The following CUX1 variants were observed in gnomAD, a reference collection of about 807,000 sequenced individuals.
CUX1 encodes the protein protein CASP.
Under a neutral mutation model 158.8 loss-of-function variants are expected in CUX1, and 31 were observed. The ratio of observed to expected loss-of-function variants is 0.20; its 90% CI spans 0.15 to 0.26. The LOEUF (loss-of-function observed/expected upper bound fraction) is 0.26, where lower values mean the gene tolerates loss of function less well. CUX1 is among the 10% of genes least tolerant of loss of function. The probability of loss-of-function intolerance (pLI) is 1.00; values close to 1 mark genes in which losing one functional copy is unlikely to be tolerated. For synonymous variants in CUX1, 879 were observed against 862.1 expected (o/e 1.02, Z -0.34); for missense variants, 1,589 against 2,014.6 (o/e 0.79, Z 4.04).
At chr7:101,844,456 T>TAA (rs1170098601) in intron 1 of CUX1, among the ~76,000 whole-genome samples, 85 of 152,328 alleles carry the variant, frequency 5.6e-4, no homozygotes, top group African/African-American at 1.9e-3. Context: ...TTCTTTTTCT[T>TAA]CAACACCCAG....
At chr7:102,180,914 T>G (rs782310933) in intron 11 of CUX1, among the ~76,000 whole-genome samples, 19 of 63,348 alleles carry the variant, frequency 3.0e-4, no homozygotes, top group African/African-American at 9.8e-4. Flanking sequence ...TTATTTTATT[T>G]TATTGTATTT....
At chr7:102,154,951 G>A (rs936325902) in intron 8 of CUX1, among the ~76,000 whole-genome samples, 1 of 152,214 alleles carries the variant, frequency 6.6e-6, no homozygotes, top group East Asian at 1.9e-4. Flanking sequence ...AGCCAGCTCT[G>A]CTGATGCATT....
intron 8 of CUX1, among the ~76,000 whole-genome samples, chr7:102,129,865 G>A (rs1644594310): frequency 6.6e-6 from 1 of 152,134 alleles, no homozygotes; most frequent in Non-Finnish European, 1.5e-5. Flanking sequence ...GAAAATTTGG[G>A]GCACCGTGGG....
chr7:101,895,021 A>G (rs1317363017), intron 1 of CUX1, among the ~76,000 whole-genome samples: 1 of 151,610 alleles, frequency 6.6e-6, no homozygotes, highest in Non-Finnish European at 1.5e-5. Flanking sequence ...ATTTTATTTA[A>G]TTAATTTATT....
rs985161670 is a variant in CUX1, at chr7:102,150,636, G to A, written c.675-7924G>A. Among the ~76,000 whole-genome samples, 14 of 152,310 alleles carry A rather than the reference G, an allele frequency of 9.2e-5. No individual in the cohort carries two copies. In the South Asian group the frequency reaches 1.4e-3, roughly 16 times the overall value. On this transcript the variant is annotated intron_variant, in intron 8 of 23. Coordinates refer to ENST00000292535, the MANE Select transcript of CUX1 (RefSeq NM_181552.4). The stretch of plus-strand genomic sequence containing the variant: ...CGCCAACACCGTGCCCCGATGCCAC[G>A]CGTTAGCCCCCAGGAGGCTTGCGTG...
At chr7:102,091,012 C>G (rs1828530440) in intron 4 of CUX1, among the ~76,000 whole-genome samples, 1 of 152,174 alleles carries the variant, frequency 6.6e-6, no homozygotes, top group Non-Finnish European at 1.5e-5. Context: ...GCTCATACTG[C>G]AGACCATTAC....
At chr7:102,034,087 G>A (rs547033146) in intron 3 of CUX1, among the ~76,000 whole-genome samples, 5 of 137,090 alleles carry the variant, frequency 3.6e-5, no homozygotes, top group East Asian at 2.1e-4. Flanking sequence ...CGGAGGTTGC[G>A]GTGAGCTGAG....
chr7:102,240,246 ATATC>A (rs1800047514), intron 23 of CUX1, among the ~76,000 whole-genome samples: 1 of 152,134 alleles, frequency 6.6e-6, no homozygotes, highest in African/African-American at 2.4e-5. Flanking sequence ...TAGTTTATAT[ATATC>A]TATATTTATA....
intron 20 of CUX1, among the ~76,000 whole-genome samples, chr7:102,209,517 A>T (rs1554522569): frequency 6.6e-6 from 1 of 152,232 alleles, no homozygotes; most frequent in African/African-American, 2.4e-5. Flanking sequence ...ACAAATCTTC[A>T]GATCAGTTAC....
chr7:101,817,465 G>C, upstream of CUX1: 1 of 1,066,790 alleles, frequency 9.4e-7, no homozygotes, highest in Non-Finnish European at 1.1e-6. The surrounding 1 kb of genome is among the most constrained non-coding windows in gnomAD (Gnocchi z 4.1). Context: ...CCCCGGCGCC[G>C]CGGGGGGACC....
chr7:102,045,149 C>CGGCT (rs1822590351), intron 3 of CUX1, among the ~76,000 whole-genome samples: 1 of 152,222 alleles, frequency 6.6e-6, no homozygotes, highest in African/African-American at 2.4e-5. Context: ...CGTCGGACTG[C>CGGCT]GGCTCAACAT....
chr7:102,167,267 CA>C (rs562023948), intron 9 of CUX1, among the ~76,000 whole-genome samples: 320 of 121,474 alleles, frequency 2.6e-3, no homozygotes, highest in Admixed American at 3.8e-3. Flanking sequence ...GACTCTGTAT[CA>C]AAAAAAAAAA....
Position 102,111,704 on chromosome 7 carries a change from G to T in CUX1, c.537G>T (p.Leu179=). The T allele has an allele frequency of 6.2e-7, 1 of 1,614,172 alleles. No individual in the cohort carries two copies. The highest frequency in any genetic ancestry group is 8.5e-7 in the Non-Finnish European group (1 of 1,180,008). The change falls in exon 7 of 24, where the codon CTG becomes CTT. Residue 179 remains leucine (L), a synonymous_variant. Transcript: ENST00000292535. ...TCGTCCTCTTCCTTTGCAGAAAGCTGCAGGAGACACAGATGTCCACCACCT... is the reference window on the plus strand; with the variant it reads ...TCGTCCTCTTCCTTTGCAGAAAGCTTCAGGAGACACAGATGTCCACCACCT... ...QNDFAEKERK[L]QETQMSTTSK... is the part of the protein sequence containing the mutation.
At chr7:102,099,263 G>T (rs1164637386) in intron 5 of CUX1, among the ~76,000 whole-genome samples, 1 of 152,140 alleles carries the variant, frequency 6.6e-6, no homozygotes, top group Non-Finnish European at 1.5e-5. Context: ...TGCAGAGAGT[G>T]GTGAGCCTTT....
chr7:102,265,381 A>C (rs957340265), intron 14 of CUX1, among the ~76,000 whole-genome samples: 12 of 151,474 alleles, frequency 7.9e-5, no homozygotes, highest in Non-Finnish European at 1.8e-4. Context: ...AGAAAGAAAG[A>C]AACAGACTGT....
intron 16 of CUX1, 130 bp from the exon 17 acceptor site, chr7:102,199,941 G>C (rs1410437244): frequency 1.6e-6 from 1 of 644,280 alleles, no homozygotes; most frequent in Non-Finnish European, 2.6e-6. Context: ...CAGGCCACTG[G>C]GAGGCCACAT....
chr7:101,835,230 C>T (rs1192097015), intron 1 of CUX1, among the ~76,000 whole-genome samples: 1 of 152,096 alleles, frequency 6.6e-6, no homozygotes, highest in Non-Finnish European at 1.5e-5. Context: ...CCATGCGTCT[C>T]GGGAATCATG....
intron 3 of CUX1, among the ~76,000 whole-genome samples, chr7:102,031,494 A>G (rs560094444): frequency 6.6e-6 from 1 of 152,350 alleles, no homozygotes; most frequent in East Asian, 1.9e-4. Context: ...CCCAAGAAAC[A>G]TCTAGGCTAA....
At chr7:102,030,691 G>GTTTTTTTTTTTTTGTTTTTTTTTT (rs71119801) in intron 3 of CUX1, among the ~76,000 whole-genome samples, 11 of 119,410 alleles carry the variant, frequency 9.2e-5, no homozygotes, top group African/African-American at 3.4e-4. Context: ...TTTAAAAAGT[G>GTTTTTTTTTTTTTGTTTTTTTTTT]TTTTTTTTTT....
Sources: allele counts gnomAD v4.1 joint callset (sites outside exome capture counted in the v4.1 genomes callset), GRCh38; gene constraint gnomAD v4.1.1; non-coding constraint Gnocchi (gnomAD v3.1); transcripts MANE v1.5; gene names NCBI Gene and HGNC (gene_info 2026-07-23, HGNC 2026-07-21).